SFXN4: variants seen among roughly 807,000 people sequenced by gnomAD.
SFXN4 encodes the protein sideroflexin-4.
In SFXN4, 48 loss-of-function variants were observed where a neutral mutation model predicts 54.6. The observed-to-expected ratio is 0.88, with a 90% confidence interval of 0.70 to 1.12. SFXN4 has a LOEUF of 1.12. Ranked by LOEUF, SFXN4 falls within the 50% of genes most tolerant of loss-of-function variation. The pLI is 0.00. For synonymous variants in SFXN4, 130 were observed against 145.5 expected, an observed-to-expected ratio of 0.89 and a Z score of 0.77; for missense variants, 383 against 409.2, an observed-to-expected ratio of 0.94 and a Z score of 0.55.
At chr10:119,151,921 C>A (rs1847084814) in intron 11 of SFXN4, among the ~76,000 whole-genome samples, 1 of 151,972 alleles carries the variant, frequency 6.6e-6, no homozygotes, top group Non-Finnish European at 1.5e-5. Flanking sequence ...CTCAGTTGAT[C>A]CTCTCACCTC....
At chr10:119,149,760 GAAAAT>G (rs907818908) in intron 11 of SFXN4, among the ~76,000 whole-genome samples, 3 of 152,062 alleles carry the variant, frequency 2.0e-5, no homozygotes, top group Non-Finnish European at 2.9e-5. Flanking sequence ...TAAAATAAAA[GAAAAT>G]AAAATAAAAG....
rs2133611797 is a variant in SFXN4 at position 119,157,937 on chromosome 10, G to A, written c.415-10C>T. 2 of 1,614,226 alleles carry A rather than the reference G, an allele frequency of 1.2e-6. No homozygotes were observed. Among genetic ancestry groups the A allele is most frequent in the Non-Finnish European group, 1.7e-6 (2 of 1,180,018 alleles). ...AGGCACAGAGGAAAACCTGCCGAGAGGGGCAAATGGATCGCATTTTCGTTT... is the reference window on the plus strand; with the variant it reads ...AGGCACAGAGGAAAACCTGCCGAGAAGGGCAAATGGATCGCATTTTCGTTT... On this transcript the variant is annotated splice_polypyrimidine_tract_variant and intron_variant, in intron 7 of 13. Coordinates refer to ENST00000355697, the MANE Select transcript of SFXN4 (RefSeq NM_213649.2).
At chr10:119,147,176 C>G (rs1486698622) in intron 12 of SFXN4, among the ~76,000 whole-genome samples, 1 of 152,144 alleles carries the variant, frequency 6.6e-6, no homozygotes, top group African/African-American at 2.4e-5. Flanking sequence ...CAGGGAGGCG[C>G]GCCCAGCAGG....
At chr10:119,146,464 C>CTGTGTGTGTGTGTGTGTGTGT (rs1554885845) in intron 12 of SFXN4, 111 bp from the exon 13 acceptor site, 1 of 486,524 alleles carries the variant, frequency 2.1e-6, no homozygotes, top group East Asian at 3.4e-5. Context: ...TGTGTGTGCA[C>CTGTGTGTGTGTGTGTGTGTGT]GTGTGTGTGT....
chr10:119,147,884 G>C, intron 11 of SFXN4, 24 bp from the exon 12 acceptor site: 5 of 1,604,554 alleles, frequency 3.1e-6, no homozygotes, highest in Non-Finnish European at 2.6e-6. Context: ...AAAGAAAACA[G>C]CTTAGGTTGG....
intron 11 of SFXN4, among the ~76,000 whole-genome samples, chr10:119,153,206 T>G (rs1460996257): frequency 1.3e-5 from 2 of 148,806 alleles, no homozygotes; most frequent in Non-Finnish European, 3.0e-5. Flanking sequence ...AGCTCAGGAG[T>G]TTGAGACACG....
intron 11 of SFXN4, among the ~76,000 whole-genome samples, chr10:119,152,876 C>A (rs943968114): frequency 1.3e-5 from 2 of 152,084 alleles, no homozygotes; most frequent in African/African-American, 4.8e-5. Context: ...TCCTCTGGAT[C>A]CCACACTGCC....
intron 1 of SFXN4, chr10:119,165,094 T>C: frequency 3.3e-5 from 14 of 423,874 alleles, no homozygotes; most frequent in Non-Finnish European, 4.4e-5. Context: ...CATATTTCTA[T>C]TGGACGGTGC....
At chr10:119,157,542 G>A in intron 9 of SFXN4, 126 bp downstream of exon 9, 1 of 720,216 alleles carries the variant, frequency 1.4e-6, no homozygotes, top group South Asian at 2.0e-5. Context: ...AATTACAGGT[G>A]ACTTTTATTT....
In SFXN4 at chr10:119,156,845, T is replaced by C. The variant is rs1456469365; in HGVS notation, c.538-89A>G. 28 of 921,728 alleles carry C rather than the reference T, an allele frequency of 3.0e-5. No homozygotes were observed. The East Asian group carries it at 4.8e-4, about 16-fold the overall frequency. The allele number at this position is 921,728 out of a possible 1,614,324, so 57.1% of individuals were successfully genotyped here. ...TAGCAGAGAGGTCGCCCTGACCTAG[T>C]TCCTATTACAAGTCAGACCACTGCC... On this transcript the variant is annotated intron_variant, in intron 9 of 13. Transcript: ENST00000355697.
chr10:119,165,379 G>A, intron 1 of SFXN4, 158 bp downstream of exon 1: 2 of 1,328,418 alleles, frequency 1.5e-6, no homozygotes, highest in Non-Finnish European at 1.9e-6. Flanking sequence ...CCTAAGGGGT[G>A]AAGGCCGGTG....
chr10:119,148,679 A>G (rs1846923312), intron 11 of SFXN4, among the ~76,000 whole-genome samples: 1 of 152,214 alleles, frequency 6.6e-6, no homozygotes, highest in Non-Finnish European at 1.5e-5. Flanking sequence ...TAAAAGTGTT[A>G]TACTATAAAA....
At chr10:119,164,006 CTCCA>C in intron 2 of SFXN4, 121 bp downstream of exon 2, 1 of 661,884 alleles carries the variant, frequency 1.5e-6, no homozygotes. Flanking sequence ...TGCCACTGCA[CTCCA>C]TCCTGGGCAA....
chr10:119,143,228 T>G (rs1340550575), intron 13 of SFXN4, among the ~76,000 whole-genome samples: 3 of 152,172 alleles, frequency 2.0e-5, no homozygotes, highest in Non-Finnish European at 4.4e-5. Flanking sequence ...TGCCTGTTCC[T>G]TGCAGCCTCA....
At chr10:119,142,675 C>T (rs1846588199) in intron 13 of SFXN4, among the ~76,000 whole-genome samples, 1 of 150,300 alleles carries the variant, frequency 6.7e-6, no homozygotes, top group Non-Finnish European at 1.5e-5. Context: ...CTCAACCTCC[C>T]GAGTAGCTGG....
chr10:119,155,211 C>T lies in SFXN4; in HGVS notation c.617-34G>A, dbSNP rs146196363. ...GTAAAGAAGTAAAGAACACCCAAGACGGGGGTGAGTCTTGTTCCAGCAAAG... is the reference window on the plus strand; with the variant it reads ...GTAAAGAAGTAAAGAACACCCAAGATGGGGGTGAGTCTTGTTCCAGCAAAG... On this transcript the variant is annotated intron_variant, in intron 10 of 13. Transcript: ENST00000355697. The T allele has an allele frequency of 4.8e-3, 6,896 of 1,436,846 alleles. 44 individuals are homozygous for T. Among genetic ancestry groups the T allele is most frequent in the Non-Finnish European group, 4.4e-3 (4,524 of 1,019,158 alleles). The allele number at this position is 1,436,846 out of a possible 1,614,324, so 89.0% of individuals were successfully genotyped here.
At position 119,157,711 on chromosome 10, in the gene SFXN4, G is replaced by C. The variant is rs1847329042; in HGVS notation, c.494C>G (p.Ser165Ter). The C allele has an allele frequency of 6.2e-7, 1 of 1,609,588 alleles. No individual in the cohort carries two copies. The highest frequency in any genetic ancestry group is 1.1e-5 in the South Asian group (1 of 89,796). The change falls in exon 9 of 14, where the codon TCA becomes TGA. Residue 165 changes from serine to a stop codon, truncating the protein, a stop_gained. Coordinates refer to ENST00000355697, the MANE Select transcript of SFXN4 (RefSeq NM_213649.2). LOFTEE classifies it high-confidence loss of function. ...AGCAACGGCTCCCGCCATTAGTAAT[G>C]ATCTTTCTAGTGGCTTACAAGTCTA... ...RSYTCKPLER[S>*]LLMAGAVASS...
chr10:119,161,148 T>C, intron 3 of SFXN4, 67 bp from the exon 4 acceptor site: 1 of 1,540,092 alleles, frequency 6.5e-7, no homozygotes, highest in South Asian at 1.1e-5. Context: ...GGTCTTGCTC[T>C]GTCACCCAGG....
chr10:119,148,068 A>G (rs1019664026), intron 11 of SFXN4, among the ~76,000 whole-genome samples: 3 of 152,144 alleles, frequency 2.0e-5, no homozygotes, highest in Non-Finnish European at 4.4e-5. Flanking sequence ...GCTACTTAGG[A>G]GACTGAGAAA....
Sources: gnomAD v4.1 joint callset for allele counts (sites outside exome capture counted in the v4.1 genomes callset) on GRCh38, gnomAD v4.1.1 for gene constraint, MANE v1.5 for transcripts, NCBI Gene and HGNC (gene_info 2026-07-23, HGNC 2026-07-21) for gene names.